KSR2: variants seen among roughly 807,000 people sequenced by gnomAD.
The protein encoded by KSR2 is kinase suppressor of ras 2.
A neutral mutation model predicts 107.8 loss-of-function variants in KSR2; 25 were observed. That is an observed-to-expected ratio of 0.23 (90% confidence interval 0.17 to 0.32). The LOEUF is 0.32. Ranked by LOEUF, KSR2 falls within the 10% of genes least tolerant of loss-of-function variation. The pLI is 1.00. For synonymous variants in KSR2, 480 were observed against 507.0 expected (o/e 0.95, Z 0.71); for missense variants, 887 against 1,268.9 (o/e 0.70, Z 4.57).
chr12:117,779,715 G>A (rs1048447492), intron 3 of KSR2, among the ~76,000 whole-genome samples: 7 of 152,120 alleles, frequency 4.6e-5, no homozygotes, highest in African/African-American at 1.7e-4. Context: ...TCTCTTTCCT[G>A]CCGCCTTGTG....
At chr12:117,788,232 G>T (rs529348113) in intron 3 of KSR2, among the ~76,000 whole-genome samples, 1 of 152,286 alleles carries the variant, frequency 6.6e-6, no homozygotes, top group South Asian at 2.1e-4. Context: ...AGAAATGAAT[G>T]ACTTCATAAG....
intron 7 of KSR2, among the ~76,000 whole-genome samples, chr12:117,578,244 G>A (rs1038529122): frequency 5.3e-5 from 8 of 152,084 alleles, no homozygotes; most frequent in African/African-American, 1.9e-4. Flanking sequence ...TCTGTAAAAT[G>A]GGGATAATTA....
intron 6 of KSR2, among the ~76,000 whole-genome samples, chr12:117,580,606 T>G (rs576777864): frequency 6.6e-6 from 1 of 152,356 alleles, no homozygotes; most frequent in African/African-American, 2.4e-5. Flanking sequence ...AGTCCAGTTC[T>G]CTCTACCTCC....
chr12:117,731,758 C>T (rs1887721178), intron 4 of KSR2, among the ~76,000 whole-genome samples: 1 of 151,890 alleles, frequency 6.6e-6, no homozygotes, highest in Non-Finnish European at 1.5e-5. Context: ...CTCTCTGAAA[C>T]ATGTGCTGTG....
At chr12:117,918,626 T>C (rs370931208) in intron 1 of KSR2, among the ~76,000 whole-genome samples, 7 of 151,112 alleles carry the variant, frequency 4.6e-5, no homozygotes, top group African/African-American at 1.5e-4. Context: ...CTGTATCTAC[T>C]AAAAATACAA....
intron 1 of KSR2, among the ~76,000 whole-genome samples, chr12:117,883,311 A>G (rs954131995): frequency 6.6e-6 from 1 of 152,222 alleles, no homozygotes; most frequent in Non-Finnish European, 1.5e-5. Flanking sequence ...GTTTGCAACC[A>G]AACACATAGT....
At chr12:117,600,688 G>C (rs1371145196) in intron 5 of KSR2, among the ~76,000 whole-genome samples, 1 of 152,164 alleles carries the variant, frequency 6.6e-6, no homozygotes, top group Non-Finnish European at 1.5e-5. Context: ...ATAGGACCTT[G>C]ATTCTCTAAA....
chr12:117,459,549 C>T lies in KSR2; in HGVS notation c.*7650G>A, dbSNP rs1259813438. The T allele has an allele frequency of 6.6e-6, 1 of 152,200 alleles. No individual in the cohort carries two copies. The highest frequency in any genetic ancestry group is 1.9e-4 in the East Asian group (1 of 5,196). The allele number at this position is 152,200 out of a possible 1,614,324, so 9.4% of individuals were successfully genotyped here. ...GTACTCCTTGGACCAGATCTTTATC[C>T]TTCTAGATCTTAGAGGTCCTTCTAG... On this transcript the variant is annotated 3_prime_UTR_variant, in exon 20 of 20. Coordinates refer to ENST00000339824, the MANE Select transcript of KSR2 (RefSeq NM_173598.6).
At chr12:117,567,068 C>A (rs1048163568) in intron 7 of KSR2, among the ~76,000 whole-genome samples, 22 of 152,318 alleles carry the variant, frequency 1.4e-4, no homozygotes, top group Middle Eastern at 3.4e-3. Flanking sequence ...AGTGAACCGT[C>A]CAGAAATGAG....
intron 4 of KSR2, among the ~76,000 whole-genome samples, chr12:117,706,987 A>G (rs1565971951): frequency 6.6e-6 from 1 of 152,208 alleles, no homozygotes; most frequent in Non-Finnish European, 1.5e-5. Flanking sequence ...GATAAACAAA[A>G]TGTGCTATGC....
intron 4 of KSR2, among the ~76,000 whole-genome samples, chr12:117,743,538 G>A (rs1207813288): frequency 3.9e-5 from 6 of 152,150 alleles, no homozygotes; most frequent in African/African-American, 4.8e-5. Context: ...TGTTCCACGC[G>A]CACACACCCA....
At chr12:117,559,966 AATAGACGT>A in intron 7 of KSR2, among the ~76,000 whole-genome samples, 2 of 152,272 alleles carry the variant, frequency 1.3e-5, no homozygotes, top group Middle Eastern at 6.8e-3. Flanking sequence ...TTAGTATTAA[AATAGACGT>A]ATACATTAAA....
intron 3 of KSR2, among the ~76,000 whole-genome samples, chr12:117,826,019 A>G (rs1891735259): frequency 7.9e-6 from 1 of 126,876 alleles, no homozygotes. Context: ...GGATGGATGC[A>G]TGGAGGGATG....
intron 1 of KSR2, among the ~76,000 whole-genome samples, chr12:117,899,522 GC>G (rs1275071381): frequency 6.6e-6 from 1 of 152,066 alleles, no homozygotes; most frequent in Admixed American, 6.6e-5. Context: ...AATGAATAAA[GC>G]ATTTTTAAAA....
At chr12:117,644,543 C>A (rs1017818260) in intron 5 of KSR2, among the ~76,000 whole-genome samples, 9 of 152,078 alleles carry the variant, frequency 5.9e-5, no homozygotes, top group African/African-American at 2.2e-4. Context: ...TGTCATTGGA[C>A]CAGAGTGCAG....
At chr12:117,660,451 A>G (rs1367466329) in intron 5 of KSR2, among the ~76,000 whole-genome samples, 1 of 152,178 alleles carries the variant, frequency 6.6e-6, no homozygotes, top group African/African-American at 2.4e-5. Flanking sequence ...CATCAGTCCA[A>G]TCTCTGTCCC....
chr12:117,581,525 C>T (rs1293810962), intron 6 of KSR2, among the ~76,000 whole-genome samples: 1 of 152,216 alleles, frequency 6.6e-6, no homozygotes, highest in Non-Finnish European at 1.5e-5. Context: ...TTCAACCTAT[C>T]GCTTAATCTT....
At chr12:117,470,219 TCCATCCATCC>T in intron 18 of KSR2, among the ~76,000 whole-genome samples, 4 of 138,826 alleles carry the variant, frequency 2.9e-5, no homozygotes, top group South Asian at 4.5e-4. Context: ...CATCCATCCA[TCCATCCATCC>T]GGCATGTATC....
At position 117,470,193 on chromosome 12, in the gene KSR2, T is replaced by TATCCATCC. The variant is rs60164511; in HGVS notation, c.2713-406_2713-399dup. Among the ~76,000 whole-genome samples the TATCCATCC allele has an allele frequency of 6.4e-3, 886 of 138,406 alleles. 11 individuals are homozygous for TATCCATCC. The highest frequency in any genetic ancestry group is 0.016 in the African/African-American group (569 of 35,724). 90.8% of individuals were successfully genotyped at this position (138,406 alleles called of 152,430 possible). A position where few individuals can be genotyped will look rare whatever the true frequency, so the allele number is the denominator to read the frequency against. ...CACTCATTCATTCTTCATCTTTCAT[T>TATCCATCC]ATCCATCCATCCATCCATCCATCCA... On this transcript the variant is annotated intron_variant, in intron 18 of 19. Transcript: ENST00000339824.
Sources: allele counts gnomAD v4.1 joint callset (sites outside exome capture counted in the v4.1 genomes callset), GRCh38; gene constraint gnomAD v4.1.1; transcripts MANE v1.5; gene names NCBI Gene and HGNC (gene_info 2026-07-23, HGNC 2026-07-21).